Variants in BCAS3 observed in about 807,000 individuals in gnomAD.
BCAS3 encodes the protein BCAS4/BCAS3 fusion.
Under a neutral mutation model 116.1 loss-of-function variants are expected in BCAS3, and 53 were observed. The ratio of observed to expected loss-of-function variants is 0.46; its 90% CI spans 0.37 to 0.57. The LOEUF is 0.57. Among genes scored for constraint, BCAS3 ranks in the 20% least tolerant of loss-of-function variants. The pLI is 0.00. For synonymous variants in BCAS3, 391 were observed against 408.2 expected (o/e 0.96, Z 0.51); for missense variants, 917 against 1,165.4 (o/e 0.79, Z 3.10).
rs2070922253 is a variant in BCAS3 at position 61,068,159 on chromosome 17, G to A, written c.2030-6761G>A. Among the ~76,000 whole-genome samples the A allele has an allele frequency of 6.6e-6, 1 of 152,032 alleles. No homozygotes were observed. On this transcript the variant is annotated intron_variant, in intron 19 of 23. Transcript: ENST00000407086. This position sits in a 1 kb window ranked among gnomAD's most constrained non-coding sequence, Gnocchi z 4.3. ...AAAGATACTAAACATTTTTCTTTAG[G>A]GTAGCTATTTTGTATCTTGGTCCAT... is the stretch of plus-strand genomic sequence containing the variant.
chr17:60,949,034 G>A (rs374398653), intron 14 of BCAS3, among the ~76,000 whole-genome samples: 2 of 151,282 alleles, frequency 1.3e-5, no homozygotes, highest in South Asian at 4.2e-4. Flanking sequence ...GTGCCACCAC[G>A]CCTGGCTAAT....
chr17:60,986,248 G>T (rs186952114), intron 14 of BCAS3, among the ~76,000 whole-genome samples: 1 of 152,248 alleles, frequency 6.6e-6, no homozygotes, highest in Admixed American at 6.5e-5. Context: ...CTGTTGATGG[G>T]TCCTTAGGTT....
chr17:61,034,828 A>T lies in BCAS3; in HGVS notation c.1762+38A>T, dbSNP rs200216655. On this transcript the variant is annotated intron_variant, in intron 17 of 23. Transcript: ENST00000407086. This position sits in a 1 kb window ranked among gnomAD's most constrained non-coding sequence, Gnocchi z 5.0. ...ACTGAAAAATGAATGCTCTATTTGT[A>T]ATTTTTGCTTCTTAAGGAAAATTTT... is the stretch of plus-strand genomic sequence containing the variant. 6.4e-7 allele frequency: 1 copy of T among 1,559,372 alleles called. No individual in the cohort carries two copies. The highest frequency in any genetic ancestry group is 2.3e-5 in the East Asian group (1 of 43,280).
intron 8 of BCAS3, among the ~76,000 whole-genome samples, chr17:60,872,709 A>G (rs557785416): frequency 1.3e-5 from 2 of 151,116 alleles, no homozygotes; most frequent in African/African-American, 2.4e-5. Context: ...CTATGTATGT[A>G]TATACACATA....
chr17:60,778,570 A>C (rs2045514121), intron 6 of BCAS3, among the ~76,000 whole-genome samples: 1 of 152,160 alleles, frequency 6.6e-6, no homozygotes, highest in Non-Finnish European at 1.5e-5. Context: ...GGTCTTTTTA[A>C]ATTCTCATTT....
intron 22 of BCAS3, among the ~76,000 whole-genome samples, chr17:61,311,261 T>G (rs2054282413): frequency 1.3e-5 from 2 of 152,350 alleles, no homozygotes; most frequent in Admixed American, 1.3e-4. Context: ...AGAGTCCAGC[T>G]TACTTTCCAT....
At chr17:61,091,917 C>G (rs1362121886) in intron 22 of BCAS3, among the ~76,000 whole-genome samples, 1 of 152,148 alleles carries the variant, frequency 6.6e-6, no homozygotes, top group Admixed American at 6.5e-5. Flanking sequence ...AGCAAAAATG[C>G]ATGTTTTAAT....
intron 22 of BCAS3, among the ~76,000 whole-genome samples, chr17:61,150,306 G>A (rs1032033448): frequency 2.6e-5 from 4 of 152,174 alleles, no homozygotes; most frequent in African/African-American, 7.2e-5. Flanking sequence ...TATGAAACCC[G>A]ATCAGGTTGC....
chr17:61,132,875 T>G lies in BCAS3; in HGVS notation c.2425+48311T>G, dbSNP rs2076413877. ...AAGGTTCATAAAATGCCACCACCCC[T>G]GATTCATGACCTGACCTACTGAAAG... On this transcript the variant is annotated intron_variant, in intron 22 of 23. Coordinates refer to ENST00000407086, the MANE Select transcript of BCAS3 (RefSeq NM_017679.5). This position sits in a 1 kb window ranked among gnomAD's most constrained non-coding sequence, Gnocchi z 5.1. 6.6e-6 allele frequency among the ~76,000 whole-genome samples: 1 copy of G among 152,164 alleles called. No homozygotes were observed. Among genetic ancestry groups the G allele is most frequent in the African/African-American group, 2.4e-5 (1 of 41,440 alleles).
rs183143901 is a variant in BCAS3 at position 61,243,781 on chromosome 17, T to G, written c.2426-124546T>G. On this transcript the variant is annotated intron_variant, in intron 22 of 23. Transcript: ENST00000407086. The surrounding 1 kb of genome is among the most constrained non-coding windows in gnomAD (Gnocchi z 5.6). ...ATAACTATTTTATGTAGTTGAGGGA[T>G]GAGTGTTTTGGTTCTTTCCTAAAGA... Among the ~76,000 whole-genome samples the G allele has an allele frequency of 1.0e-3, 159 of 152,258 alleles. 1 individual carries two copies. Among genetic ancestry groups the G allele is most frequent in the African/African-American group, 3.6e-3 (150 of 41,534 alleles).
At chr17:61,159,992 T>G (rs1336671556) in intron 22 of BCAS3, among the ~76,000 whole-genome samples, 3 of 71,492 alleles carry the variant, frequency 4.2e-5, no homozygotes, top group Admixed American at 1.6e-4. Flanking sequence ...TTGGCATCTT[T>G]GATTTTTTTT....
chr17:60,691,241 CT>C (rs893706603), intron 4 of BCAS3, among the ~76,000 whole-genome samples: 5 of 152,066 alleles, frequency 3.3e-5, no homozygotes, highest in African/African-American at 1.2e-4. Flanking sequence ...CCTCCTATCT[CT>C]TTGAGACTCT....
chr17:60,780,758 A>T (rs1193268350), intron 6 of BCAS3, among the ~76,000 whole-genome samples: 1 of 152,192 alleles, frequency 6.6e-6, no homozygotes, highest in Non-Finnish European at 1.5e-5. Flanking sequence ...ATTATAAATT[A>T]TATCACAGCT....
chr17:60,802,847 T>G (rs2047938138), intron 6 of BCAS3, among the ~76,000 whole-genome samples: 1 of 152,182 alleles, frequency 6.6e-6, no homozygotes, highest in Non-Finnish European at 1.5e-5. Context: ...CAGGCTGGTC[T>G]TGAACTCCTG....
At chr17:60,927,109 T>C (rs1277885340) in intron 13 of BCAS3, among the ~76,000 whole-genome samples, 3 of 152,234 alleles carry the variant, frequency 2.0e-5, no homozygotes, top group Non-Finnish European at 4.4e-5. Flanking sequence ...GGAAACTTAG[T>C]GAATTATTTT....
rs190634406 is a variant in BCAS3, at chr17:61,006,390, C to T, written c.1487-9361C>T. 1.2e-3 allele frequency among the ~76,000 whole-genome samples: 185 copies of T among 152,132 alleles called. 1 individual carries two copies. Among genetic ancestry groups the T allele is most frequent in the African/African-American group, 3.8e-3 (156 of 41,526 alleles). On this transcript the variant is annotated intron_variant, in intron 15 of 23. Coordinates refer to ENST00000407086, the MANE Select transcript of BCAS3 (RefSeq NM_017679.5). Reference sequence around the variant, plus strand: ...TTCCTACAAAGTGTTTATCTCAGAACCAACTTCTGATACTTCTACATCTTG... The same window carrying T: ...TTCCTACAAAGTGTTTATCTCAGAATCAACTTCTGATACTTCTACATCTTG...
At chr17:61,389,070 C>G (rs999952585) in intron 23 of BCAS3, 1 of 247,930 alleles carries the variant, frequency 4.0e-6, no homozygotes, top group African/African-American at 2.3e-5. Context: ...GGCACAGAAC[C>G]CCCCCGAGGG....
rs2066902495 is a variant in BCAS3, at chr17:61,034,943, C to T, written c.1762+153C>T. ...GCATGTCACTTCTCAACTACTCAAG[C>T]CTAGTCAAGAAGAAAAACTATCCTC... On this transcript the variant is annotated intron_variant, in intron 17 of 23. Transcript: ENST00000407086. This position sits in a 1 kb window ranked among gnomAD's most constrained non-coding sequence, Gnocchi z 5.0. Among the ~76,000 whole-genome samples the T allele has an allele frequency of 6.6e-6, 1 of 152,200 alleles. No individual in the cohort carries two copies.
Position 61,026,980 on chromosome 17 carries a change from T to G in BCAS3, c.1638-7686T>G. The G allele has an allele frequency of 6.8e-7, 1 of 1,464,142 alleles. No homozygotes were observed. Among genetic ancestry groups the G allele is most frequent in the Non-Finnish European group, 9.4e-7 (1 of 1,066,816 alleles). The allele number at this position is 1,464,142 out of a possible 1,614,324, so 90.7% of individuals were successfully genotyped here. A position where few individuals can be genotyped will look rare whatever the true frequency, so the allele number is the denominator to read the frequency against. On this transcript the variant is annotated intron_variant, in intron 16 of 23. Transcript: ENST00000407086. The surrounding 1 kb of genome is among the most constrained non-coding windows in gnomAD (Gnocchi z 5.0). Reference sequence around the variant, plus strand: ...TCTCAAAAAGTAATTTGTTTTGTAGTTTTGTTTCCAGTTGCATGGCCTGAT... The same window carrying G: ...TCTCAAAAAGTAATTTGTTTTGTAGGTTTGTTTCCAGTTGCATGGCCTGAT...
Sources: allele counts gnomAD v4.1 joint callset (sites outside exome capture counted in the v4.1 genomes callset), GRCh38; gene constraint gnomAD v4.1.1; non-coding constraint Gnocchi (gnomAD v3.1); transcripts MANE v1.5; gene names NCBI Gene and HGNC (gene_info 2026-07-23, HGNC 2026-07-21).